TMEM132C: variants seen among roughly 807,000 people sequenced by gnomAD.
TMEM132C encodes the protein transmembrane protein 132C, also known as protein phosphatase 1, regulatory subunit 152.
Under a neutral mutation model 61.4 loss-of-function variants are expected in TMEM132C, and 29 were observed. The observed-to-expected ratio is 0.47, with a 90% confidence interval of 0.35 to 0.64. The LOEUF (loss-of-function observed/expected upper bound fraction) is 0.64. Among genes scored for constraint, TMEM132C ranks in the 30% least tolerant of loss-of-function variants. The pLI is 0.00. For synonymous variants in TMEM132C, 656 were observed against 633.1 expected, an observed-to-expected ratio of 1.04 and a Z score of -0.54; for missense variants, 1,408 against 1,476.9, an observed-to-expected ratio of 0.95 and a Z score of 0.76.
At chr12:128,409,219 A>G (rs989709495) in intron 1 of TMEM132C, among the ~76,000 whole-genome samples, 4 of 152,268 alleles carry the variant, frequency 2.6e-5, no homozygotes, top group Admixed American at 2.0e-4. Context: ...AAAATATTCA[A>G]ATAGCAAGGA....
intron 2 of TMEM132C, among the ~76,000 whole-genome samples, chr12:128,538,640 A>G (rs117205543): frequency 0.032 from 4,846 of 152,208 alleles, 83 homozygotes; most frequent in Non-Finnish European, 0.049. Flanking sequence ...GCTCCCTTTT[A>G]CTGCTTCTCT....
intron 2 of TMEM132C, among the ~76,000 whole-genome samples, chr12:128,452,987 G>A (rs1271430489): frequency 6.6e-6 from 1 of 152,160 alleles, no homozygotes; most frequent in East Asian, 1.9e-4. Context: ...TACAGAAATG[G>A]TAGTATATGG....
chr12:128,419,409 A>T (rs931089068), intron 2 of TMEM132C, among the ~76,000 whole-genome samples: 9 of 152,188 alleles, frequency 5.9e-5, no homozygotes, highest in African/African-American at 1.9e-4. Flanking sequence ...GTGTTGGCTC[A>T]CAGCTGTGTA....
chr12:128,438,681 G>A (rs1438412959), intron 2 of TMEM132C, among the ~76,000 whole-genome samples: 1 of 152,070 alleles, frequency 6.6e-6, no homozygotes, highest in African/African-American at 2.4e-5. Flanking sequence ...TCACGATTTT[G>A]TGTGATCACC....
chr12:128,520,227 A>G (rs1335805685), intron 2 of TMEM132C, among the ~76,000 whole-genome samples: 2 of 152,230 alleles, frequency 1.3e-5, no homozygotes, highest in Non-Finnish European at 2.9e-5. Context: ...CTCGCTCAGC[A>G]GTCCACGTAT....
intron 1 of TMEM132C, among the ~76,000 whole-genome samples, chr12:128,276,914 A>ACACACACACACACACG (rs1870712721): frequency 6.6e-6 from 1 of 151,618 alleles, no homozygotes; most frequent in African/African-American, 2.4e-5. Context: ...ACACACACAC[A>ACACACACACACACACG]CAATTCTAGG....
chr12:128,668,650 C>G (rs1954501479), intron 4 of TMEM132C, among the ~76,000 whole-genome samples: 1 of 152,176 alleles, frequency 6.6e-6, no homozygotes, highest in South Asian at 2.1e-4. Flanking sequence ...ATGTATCATC[C>G]TACACTTCTG....
intron 2 of TMEM132C, among the ~76,000 whole-genome samples, chr12:128,490,853 T>A (rs1056474383): frequency 2.0e-5 from 3 of 152,160 alleles, no homozygotes; most frequent in Admixed American, 6.5e-5. Context: ...ATGGGATGAT[T>A]CATTAGTAGC....
intron 2 of TMEM132C, chr12:128,438,129 G>C (rs913654297): frequency 1.2e-4 from 18 of 152,164 alleles, no homozygotes; most frequent in Admixed American, 9.8e-4. Flanking sequence ...AGTAATATCA[G>C]TCAGTCCAAA....
At chr12:128,284,147 C>T (rs1297038327) in intron 1 of TMEM132C, among the ~76,000 whole-genome samples, 1 of 152,150 alleles carries the variant, frequency 6.6e-6, no homozygotes, top group Non-Finnish European at 1.5e-5. Context: ...CATGTACTGA[C>T]CAGCCATTCC....
At chr12:128,412,047 A>G (rs1327573414) in intron 1 of TMEM132C, among the ~76,000 whole-genome samples, 52 of 152,190 alleles carry the variant, frequency 3.4e-4, no homozygotes, top group Admixed American at 3.4e-3. Flanking sequence ...ATGTTTGTCT[A>G]TGATTCTCTG....
intron 5 of TMEM132C, among the ~76,000 whole-genome samples, chr12:128,677,880 T>G (rs1042302114): frequency 6.6e-6 from 1 of 152,256 alleles, no homozygotes; most frequent in Non-Finnish European, 1.5e-5. Context: ...CAAGCAGGCC[T>G]GGCTTTTCCC....
intron 8 of TMEM132C, among the ~76,000 whole-genome samples, chr12:128,700,735 G>T (rs1954798007): frequency 6.6e-6 from 1 of 152,196 alleles, no homozygotes; most frequent in Non-Finnish European, 1.5e-5. Context: ...AAAAATGAAA[G>T]GAGAAATCAC....
chr12:128,523,683 C>T (rs1872983393), intron 2 of TMEM132C, among the ~76,000 whole-genome samples: 1 of 151,832 alleles, frequency 6.6e-6, no homozygotes, highest in African/African-American at 2.4e-5. Context: ...TCAGAAAAAT[C>T]TGTAAAAAAA....
At chr12:128,599,766 G>A (rs1876103855) in intron 3 of TMEM132C, among the ~76,000 whole-genome samples, 1 of 152,188 alleles carries the variant, frequency 6.6e-6, no homozygotes, top group African/African-American at 2.4e-5. Flanking sequence ...GATTGTTAGT[G>A]TAAATTATTC....
chr12:128,702,913 A>G (rs1016139578), intron 8 of TMEM132C, among the ~76,000 whole-genome samples: 4 of 152,196 alleles, frequency 2.6e-5, no homozygotes, highest in African/African-American at 9.7e-5. Flanking sequence ...CCACGAGGTC[A>G]GACCTGGTTT....
chr12:128,436,633 AAGTC>A (rs898019890), intron 2 of TMEM132C, among the ~76,000 whole-genome samples: 1 of 152,228 alleles, frequency 6.6e-6, no homozygotes, highest in African/African-American at 2.4e-5. Context: ...AGTCATTAAA[AAGTC>A]AGGAAACAAC....
intron 1 of TMEM132C, among the ~76,000 whole-genome samples, chr12:128,330,803 T>C (rs541648273): frequency 2.6e-5 from 4 of 152,278 alleles, no homozygotes; most frequent in Non-Finnish European, 5.9e-5. Flanking sequence ...GTTAGGAAGG[T>C]AGACTATGAA....
At chr12:128,316,138 G>A (rs1872143887) in intron 1 of TMEM132C, among the ~76,000 whole-genome samples, 2 of 151,808 alleles carry the variant, frequency 1.3e-5, no homozygotes, top group African/African-American at 4.8e-5. Context: ...ATTTTGTTTT[G>A]GTTTCTTACA....
Sources: allele counts gnomAD v4.1 joint callset (sites outside exome capture counted in the v4.1 genomes callset), GRCh38; gene constraint gnomAD v4.1.1; transcripts MANE v1.5; gene names NCBI Gene and HGNC (gene_info 2026-07-23, HGNC 2026-07-21).